The following PAK5 variants were observed in gnomAD, a reference collection of about 807,000 sequenced individuals.
PAK5 encodes p21 (RAC1) activated kinase 5.
Under a neutral mutation model 65.9 loss-of-function variants are expected in PAK5, and 16 were observed. That is an observed-to-expected ratio of 0.24 (90% CI 0.16 to 0.37). The LOEUF is 0.37. PAK5 is among the 10% of genes least tolerant of loss of function. The pLI, the probability that PAK5 is intolerant of heterozygous loss-of-function variation, is 1.00. For missense variants in PAK5, 785 were observed against 903.9 expected (o/e 0.87, Z 1.69); for synonymous variants, 371 against 354.9 (o/e 1.05, Z -0.51).
At chr20:9,740,408 G>A (rs1201245676) in intron 1 of PAK5, among the ~76,000 whole-genome samples, 1 of 152,140 alleles carries the variant, frequency 6.6e-6, no homozygotes, top group Admixed American at 6.6e-5. Flanking sequence ...AACCTGCTAG[G>A]TAACCTGTAG....
At chr20:9,593,535 T>C (rs943952155) in intron 3 of PAK5, among the ~76,000 whole-genome samples, 8 of 152,140 alleles carry the variant, frequency 5.3e-5, no homozygotes, top group Admixed American at 3.9e-4. Context: ...AAGCCCCACA[T>C]GCATTAGGTA....
intron 1 of PAK5, among the ~76,000 whole-genome samples, chr20:9,782,287 C>G (rs2048948782): frequency 6.6e-6 from 1 of 152,158 alleles, no homozygotes; most frequent in Admixed American, 6.6e-5. Context: ...CCTGGGCCAT[C>G]CTGTTTATTA....
chr20:9,802,434 G>A (rs539070866), intron 1 of PAK5, among the ~76,000 whole-genome samples: 1 of 152,158 alleles, frequency 6.6e-6, no homozygotes, highest in African/African-American at 2.4e-5. Context: ...GAAGTAGTGT[G>A]CGCACACATC....
intron 3 of PAK5, among the ~76,000 whole-genome samples, chr20:9,613,232 C>T (rs757493203): frequency 1.3e-5 from 2 of 152,224 alleles, no homozygotes; most frequent in Non-Finnish European, 2.9e-5. Context: ...ACTAAACAAA[C>T]AGAAAATTTC....
chr20:9,565,853 T>C, intron 5 of PAK5, 40 bp downstream of exon 5: 3 of 1,561,704 alleles, frequency 1.9e-6, no homozygotes, highest in Non-Finnish European at 2.6e-6. Flanking sequence ...GAAATAAATG[T>C]TACAAAGGAG....
Position 9,737,463 on chromosome 20 carries a change from C to CT in PAK5, c.-161-26029dup, listed in dbSNP as rs535250123. 1.1e-4 allele frequency among the ~76,000 whole-genome samples: 16 copies of CT among 152,060 alleles called. No individual in the cohort carries two copies. In the South Asian group the frequency reaches 3.3e-3, roughly 32 times the overall value. On this transcript the variant is annotated intron_variant, in intron 1 of 9. Transcript: ENST00000353224. ...TGAACAATCCTAAATGTTTATATGC[C>CT]TAAAAACAGAGTTTCAAAATACATA...
At chr20:9,588,903 T>C (rs1454563030) in intron 3 of PAK5, among the ~76,000 whole-genome samples, 5 of 152,328 alleles carry the variant, frequency 3.3e-5, no homozygotes, top group South Asian at 4.1e-4. Flanking sequence ...CCATATTTCA[T>C]AGTGCTCCTT....
rs375818906 is a variant in PAK5, at chr20:9,789,120, AG to A, written c.-162+49641del. ...TTGGGGTAAATCAATCCTTTGTAGA[AG>A]TTTGTACTGGCTGCCAGAAAGGCAA... On this transcript the variant is annotated intron_variant, in intron 1 of 9. Transcript: ENST00000353224. Among the ~76,000 whole-genome samples the A allele has an allele frequency of 2.7e-3, 409 of 152,326 alleles. 2 individuals carry two copies. The highest frequency in any genetic ancestry group is 9.7e-3 in the African/African-American group (404 of 41,580).
Position 9,786,358 on chromosome 20 carries a change from C to T in PAK5, c.-162+52404G>A, listed in dbSNP as rs867070749. Among the ~76,000 whole-genome samples the T allele has an allele frequency of 4.6e-5, 7 of 152,066 alleles. No individual in the cohort carries two copies. The South Asian group carries it at 1.0e-3, about 23-fold the overall frequency. On this transcript the variant is annotated intron_variant, in intron 1 of 9. Transcript: ENST00000353224. ...AAGTGCTCAACAAACATTTACATGT[C>T]GTGGATGATTTGTGTCCTGGCTGTG...
At chr20:9,761,326 C>A (rs1771565747) in intron 1 of PAK5, among the ~76,000 whole-genome samples, 1 of 152,044 alleles carries the variant, frequency 6.6e-6, no homozygotes, top group Admixed American at 6.6e-5. Flanking sequence ...TATTAAGAAT[C>A]CCTGCCCTTG....
intron 8 of PAK5, 99 bp from the exon 9 acceptor site, chr20:9,542,819 C>T (rs2045288375): frequency 8.0e-6 from 8 of 1,003,678 alleles, no homozygotes; most frequent in Non-Finnish European, 1.2e-5. Context: ...GTGACTATGG[C>T]ACTTGTAACC....
At chr20:9,658,146 T>C (rs906257242) in intron 2 of PAK5, among the ~76,000 whole-genome samples, 3 of 152,230 alleles carry the variant, frequency 2.0e-5, no homozygotes, top group African/African-American at 7.2e-5. Flanking sequence ...CTGGGAATTA[T>C]GAGTAGATTA....
intron 4 of PAK5, among the ~76,000 whole-genome samples, chr20:9,576,401 G>A (rs546101729): frequency 3.3e-5 from 5 of 152,254 alleles, no homozygotes; most frequent in African/African-American, 1.2e-4. Flanking sequence ...CAGTGTCTGG[G>A]TATATTTTGG....
At chr20:9,811,627 C>T (rs776547173) in intron 1 of PAK5, among the ~76,000 whole-genome samples, 4 of 152,174 alleles carry the variant, frequency 2.6e-5, no homozygotes, top group Non-Finnish European at 5.9e-5. Flanking sequence ...CTGGTCTATA[C>T]ATCTAGAAAC....
At chr20:9,567,226 G>A (rs1230319622) in intron 4 of PAK5, among the ~76,000 whole-genome samples, 4 of 152,120 alleles carry the variant, frequency 2.6e-5, no homozygotes, top group African/African-American at 4.8e-5. Flanking sequence ...GGAAGATCTC[G>A]ATGACAACAC....
chr20:9,569,174 G>A (rs999779583), intron 4 of PAK5, among the ~76,000 whole-genome samples: 3 of 152,202 alleles, frequency 2.0e-5, no homozygotes, highest in South Asian at 4.1e-4. Context: ...GAGGCAGTTT[G>A]TTTTAAGCCA....
At chr20:9,546,918 T>G (rs1019424968) in intron 7 of PAK5, among the ~76,000 whole-genome samples, 1 of 151,190 alleles carries the variant, frequency 6.6e-6, no homozygotes, top group African/African-American at 2.5e-5. Context: ...ATGATGACAA[T>G]GATAATTATT....
intron 1 of PAK5, among the ~76,000 whole-genome samples, chr20:9,815,850 T>TAA (rs1208349924): frequency 6.6e-6 from 1 of 152,162 alleles, no homozygotes; most frequent in Non-Finnish European, 1.5e-5. Context: ...GACTGTCACA[T>TAA]AACTCAAACC....
At chr20:9,730,292 T>C (rs902079913) in intron 1 of PAK5, among the ~76,000 whole-genome samples, 4 of 152,098 alleles carry the variant, frequency 2.6e-5, no homozygotes, top group Admixed American at 2.0e-4. Context: ...ACAATTCAAA[T>C]TGATGTTTTT....
Sources: gnomAD v4.1 joint callset for allele counts (sites outside exome capture counted in the v4.1 genomes callset) on GRCh38, gnomAD v4.1.1 for gene constraint, MANE v1.5 for transcripts, NCBI Gene and HGNC (gene_info 2026-07-23, HGNC 2026-07-21) for gene names.